Variants in DLGAP2 observed in about 807,000 individuals in gnomAD.
DLGAP2 encodes DLG associated protein 2.
Under a neutral mutation model 100.3 loss-of-function variants are expected in DLGAP2, and 26 were observed. That is an observed-to-expected ratio of 0.26 (90% CI 0.19 to 0.36). The LOEUF (loss-of-function observed/expected upper bound fraction) is 0.36, where lower values mean the gene tolerates loss of function less well. Ranked by LOEUF, DLGAP2 falls within the 10% of genes least tolerant of loss-of-function variation. The probability of loss-of-function intolerance (pLI) is 1.00; values close to 1 mark genes in which losing one functional copy is unlikely to be tolerated. For synonymous variants in DLGAP2, 886 were observed against 630.1 expected, an observed-to-expected ratio of 1.41 and a Z score of -6.08; for missense variants, 1,858 against 1,453.2, an observed-to-expected ratio of 1.28 and a Z score of -4.53.
chr8:1,288,851 A>T (rs145203708), intron 3 of DLGAP2, among the ~76,000 whole-genome samples: 1 of 152,060 alleles, frequency 6.6e-6, no homozygotes, highest in Non-Finnish European at 1.5e-5. Flanking sequence ...GTTAGGTTCT[A>T]TTACACAGTG....
chr8:816,543 A>G (rs976447426), intron 1 of DLGAP2, among the ~76,000 whole-genome samples: 3 of 152,218 alleles, frequency 2.0e-5, no homozygotes, highest in Non-Finnish European at 4.4e-5. Flanking sequence ...GAGGCTAAAA[A>G]TAGTACCCCA....
At chr8:1,036,889 T>A (rs561816209) in intron 2 of DLGAP2, among the ~76,000 whole-genome samples, 1 of 152,274 alleles carries the variant, frequency 6.6e-6, no homozygotes, top group East Asian at 1.9e-4. Flanking sequence ...AAACATAAGC[T>A]GCTTTTTTTA....
In DLGAP2 at chr8:1,225,697, A is replaced by C. The variant is rs532993569; in HGVS notation, c.74-33154A>C. On this transcript the variant is annotated intron_variant, in intron 2 of 14. Transcript: ENST00000637795. ...TTTCTACTAGGTACATACTACCAAA[A>C]ATAAGAAGAAATACTGGGGAGCTCT... 5.5e-3 allele frequency among the ~76,000 whole-genome samples: 842 copies of C among 152,362 alleles called. 6 individuals carry two copies. Among genetic ancestry groups the C allele is most frequent in the Middle Eastern group, 0.01 (3 of 294 alleles).
chr8:1,635,523 G>T (rs1172219634), intron 8 of DLGAP2, among the ~76,000 whole-genome samples: 2 of 152,184 alleles, frequency 1.3e-5, no homozygotes, highest in African/African-American at 4.8e-5. Flanking sequence ...TGTGGTGTAT[G>T]GGGAGAGAGG....
intron 3 of DLGAP2, among the ~76,000 whole-genome samples, chr8:1,272,332 G>C (rs1267354716): frequency 6.6e-6 from 1 of 152,104 alleles, no homozygotes; most frequent in African/African-American, 2.4e-5. Context: ...CAAGCATATT[G>C]TGGTAGGGGC....
intron 3 of DLGAP2, among the ~76,000 whole-genome samples, chr8:1,307,527 C>G (rs1301856396): frequency 1.3e-5 from 2 of 152,122 alleles, no homozygotes; most frequent in Admixed American, 6.5e-5. Context: ...GCCATACACC[C>G]AAAAGAAGTG....
chr8:1,524,064 C>A (rs1303582251), intron 4 of DLGAP2, among the ~76,000 whole-genome samples: 1 of 152,192 alleles, frequency 6.6e-6, no homozygotes, highest in Non-Finnish European at 1.5e-5. Context: ...GGGACGTCGT[C>A]CCGTGTAAGA....
intron 8 of DLGAP2, among the ~76,000 whole-genome samples, chr8:1,652,923 A>G (rs1022832620): frequency 9.2e-5 from 14 of 152,138 alleles, no homozygotes; most frequent in African/African-American, 3.1e-4. Flanking sequence ...TCATTGTGCA[A>G]TTATCTTGCC....
At chr8:1,640,775 C>G (rs1475642761) in intron 8 of DLGAP2, among the ~76,000 whole-genome samples, 1 of 152,194 alleles carries the variant, frequency 6.6e-6, no homozygotes, top group Non-Finnish European at 1.5e-5. Context: ...TGGCCCGCCC[C>G]CCCGCATCTA....
At chr8:1,428,187 A>C (rs1328956232) in intron 3 of DLGAP2, among the ~76,000 whole-genome samples, 1 of 152,084 alleles carries the variant, frequency 6.6e-6, no homozygotes, top group Non-Finnish European at 1.5e-5. Flanking sequence ...AAAATAGACA[A>C]TCTCTATCAA....
intron 2 of DLGAP2, among the ~76,000 whole-genome samples, chr8:1,204,036 A>T (rs1474520379): frequency 6.6e-6 from 1 of 152,260 alleles, no homozygotes; most frequent in Non-Finnish European, 1.5e-5. Context: ...CAATGTGCTT[A>T]CGAACCACCT....
At chr8:903,298 T>G (rs977931234) in intron 1 of DLGAP2, among the ~76,000 whole-genome samples, 5 of 152,028 alleles carry the variant, frequency 3.3e-5, no homozygotes, top group Non-Finnish European at 7.4e-5. Flanking sequence ...ATAAGCGAGT[T>G]GTAGGCGTCC....
chr8:1,430,163 C>A (rs979743277), intron 3 of DLGAP2, among the ~76,000 whole-genome samples: 1 of 150,744 alleles, frequency 6.6e-6, no homozygotes, highest in African/African-American at 2.4e-5. Context: ...TCAGCACTCA[C>A]TTTAAAGGTG....
chr8:1,140,154 T>G (rs1448052005), intron 2 of DLGAP2, among the ~76,000 whole-genome samples: 1 of 152,174 alleles, frequency 6.6e-6, no homozygotes, highest in Non-Finnish European at 1.5e-5. Context: ...GATACAGCAC[T>G]TGGCCAGGCC....
At chr8:1,583,045 A>C (rs1563236374) in intron 6 of DLGAP2, among the ~76,000 whole-genome samples, 1 of 152,342 alleles carries the variant, frequency 6.6e-6, no homozygotes, top group Non-Finnish European at 1.5e-5. Context: ...CAGAGCTGCA[A>C]AAGTGAATCT....
At chr8:1,327,796 A>G (rs762604286) in intron 3 of DLGAP2, among the ~76,000 whole-genome samples, 1 of 152,206 alleles carries the variant, frequency 6.6e-6, no homozygotes, top group Non-Finnish European at 1.5e-5. Flanking sequence ...ATGAGCAGAG[A>G]TGGCACCACT....
intron 2 of DLGAP2, among the ~76,000 whole-genome samples, chr8:1,160,610 C>T (rs961251740): frequency 1.3e-5 from 2 of 152,124 alleles, no homozygotes; most frequent in Non-Finnish European, 2.9e-5. Context: ...TATGTACAGG[C>T]CTTGGAGGAG....
At chr8:1,102,268 CAT>C (rs1357502136) in intron 2 of DLGAP2, among the ~76,000 whole-genome samples, 3 of 146,446 alleles carry the variant, frequency 2.0e-5, no homozygotes, top group Admixed American at 6.8e-5. Flanking sequence ...TATTTACATA[CAT>C]ATATAATATA....
intron 1 of DLGAP2, among the ~76,000 whole-genome samples, chr8:814,575 A>T (rs1796428840): frequency 6.6e-6 from 1 of 152,136 alleles, no homozygotes; most frequent in Non-Finnish European, 1.5e-5. Context: ...GTAGTTTTGT[A>T]AAATGACCAA....
Sources: gnomAD v4.1 joint callset for allele counts (sites outside exome capture counted in the v4.1 genomes callset) on GRCh38, gnomAD v4.1.1 for gene constraint, MANE v1.5 for transcripts, NCBI Gene and HGNC (gene_info 2026-07-23, HGNC 2026-07-21) for gene names.